Variants in DGKB observed in about 807,000 individuals in gnomAD.
DGKB encodes the protein diacylglycerol kinase beta.
Under a neutral mutation model 114.3 loss-of-function variants are expected in DGKB, and 67 were observed. The ratio of observed to expected loss-of-function variants is 0.59; its 90% CI spans 0.48 to 0.72. DGKB has a LOEUF of 0.72. Among genes scored for constraint, DGKB ranks in the 30% least tolerant of loss-of-function variants. The pLI is 0.00. For missense variants in DGKB, 907 were observed against 975.2 expected (o/e 0.93, Z 0.93); for synonymous variants, 398 against 323.1 (o/e 1.23, Z -2.49).
At chr7:14,621,336 C>T (rs750323632) in intron 15 of DGKB, 42 bp downstream of exon 15, 33 of 1,253,992 alleles carry the variant, frequency 2.6e-5, no homozygotes, top group Non-Finnish European at 3.6e-5. Flanking sequence ...CTAGAAGTAT[C>T]AAATATGAAA....
chr7:14,711,765 C>T (rs1277419387), intron 6 of DGKB, among the ~76,000 whole-genome samples: 1 of 152,072 alleles, frequency 6.6e-6, no homozygotes, highest in Non-Finnish European at 1.5e-5. Context: ...TCTTCCCCAA[C>T]AGAAGACTAG....
At chr7:14,847,460 T>A (rs1430164214) in intron 1 of DGKB, among the ~76,000 whole-genome samples, 5 of 152,202 alleles carry the variant, frequency 3.3e-5, no homozygotes, top group Admixed American at 6.5e-5. Context: ...TGAAATTACA[T>A]GGAATATAAA....
chr7:14,720,198 A>T (rs1828907423), intron 5 of DGKB, among the ~76,000 whole-genome samples: 2 of 152,020 alleles, frequency 1.3e-5, no homozygotes, highest in African/African-American at 2.4e-5. Flanking sequence ...TATTCTGAAA[A>T]TTTTTCTCAA....
chr7:14,238,838 C>T (rs1793218593), intron 23 of DGKB, among the ~76,000 whole-genome samples: 1 of 151,720 alleles, frequency 6.6e-6, no homozygotes, highest in South Asian at 2.1e-4. Context: ...ATCATGAATA[C>T]AAACTAAGGA....
chr7:14,576,018 T>C (rs989691154), intron 19 of DGKB, among the ~76,000 whole-genome samples: 2 of 152,178 alleles, frequency 1.3e-5, no homozygotes, highest in African/African-American at 4.8e-5. Context: ...CTTCTTACCT[T>C]ACACAGGTTT....
intron 25 of DGKB, among the ~76,000 whole-genome samples, chr7:14,169,208 A>AG (rs1361541034): frequency 2.6e-5 from 4 of 150,982 alleles, no homozygotes; most frequent in Admixed American, 2.6e-4. Context: ...AAATTAAAAA[A>AG]AAAAAAATTA....
chr7:14,411,934 T>C (rs1418989153), intron 21 of DGKB, among the ~76,000 whole-genome samples: 1 of 152,142 alleles, frequency 6.6e-6, no homozygotes, highest in East Asian at 1.9e-4. Context: ...TATAGAAAAA[T>C]TAATGAGATT....
At chr7:14,603,780 A>G (rs1463449414) in intron 17 of DGKB, among the ~76,000 whole-genome samples, 1 of 152,118 alleles carries the variant, frequency 6.6e-6, no homozygotes, top group African/African-American at 2.4e-5. Context: ...TAATTTACAT[A>G]TTTTAAAGTT....
At chr7:14,875,207 A>G (rs751272102) in intron 1 of DGKB, among the ~76,000 whole-genome samples, 15 of 152,254 alleles carry the variant, frequency 9.9e-5, no homozygotes, top group Admixed American at 3.9e-4. Context: ...GATTATGAAG[A>G]AATGAAGCTG....
intron 2 of DGKB, among the ~76,000 whole-genome samples, chr7:14,833,376 TTA>T (rs879605803): frequency 8.1e-4 from 115 of 142,206 alleles, no homozygotes; most frequent in Non-Finnish European, 1.5e-3. Flanking sequence ...TGATTTATGT[TTA>T]TGTCTTTATG....
At chr7:14,542,782 C>G (rs1042830971) in intron 20 of DGKB, among the ~76,000 whole-genome samples, 1 of 152,176 alleles carries the variant, frequency 6.6e-6, no homozygotes, top group Non-Finnish European at 1.5e-5. Context: ...ACTTAGCAAT[C>G]GCATCCAGAG....
chr7:14,497,715 T>C (rs376036864), intron 20 of DGKB, among the ~76,000 whole-genome samples: 1 of 152,066 alleles, frequency 6.6e-6, no homozygotes, highest in East Asian at 1.9e-4. Context: ...TATGTTATTA[T>C]GCAGAGAGTG....
chr7:14,971,238 G>A (rs1421809441), intron 1 of DGKB, among the ~76,000 whole-genome samples: 1 of 152,086 alleles, frequency 6.6e-6, no homozygotes, highest in African/African-American at 2.4e-5. Context: ...TTCAGAAGCT[G>A]GAGAATTCTT....
intron 1 of DGKB, among the ~76,000 whole-genome samples, chr7:14,874,277 C>T (rs913819855): frequency 2.6e-5 from 4 of 152,016 alleles, no homozygotes; most frequent in Non-Finnish European, 5.9e-5. Context: ...TACTAAACCA[C>T]ACTTGAACTG....
intron 1 of DGKB, among the ~76,000 whole-genome samples, chr7:14,887,306 C>A (rs1780448728): frequency 6.6e-6 from 1 of 151,800 alleles, no homozygotes; most frequent in Non-Finnish European, 1.5e-5. Flanking sequence ...TGACACAGCT[C>A]TTTCTTCTTG....
At chr7:14,610,698 A>G (rs1449849538) in intron 16 of DGKB, among the ~76,000 whole-genome samples, 1 of 151,950 alleles carries the variant, frequency 6.6e-6, no homozygotes, top group African/African-American at 2.4e-5. Context: ...TGGCACCTGA[A>G]CCTACTAGTG....
rs111228924 is a variant in DGKB, at chr7:14,912,366, T to C, written c.-188+62330A>G. On this transcript the variant is annotated intron_variant, in intron 1 of 4. Coordinates refer to the DGKB transcript ENST00000437998. ...TTTTGCATCAGGTAAGCAGAATTCA[T>C]TTTATTTTCCTGCAATAAGAACATT... Among the ~76,000 whole-genome samples, 1,044 of 152,268 alleles carry C rather than the reference T, an allele frequency of 6.9e-3. 16 individuals are homozygous for C. The highest frequency in any genetic ancestry group is 0.024 in the African/African-American group (995 of 41,552).
intron 21 of DGKB, among the ~76,000 whole-genome samples, chr7:14,477,873 AGT>A (rs1031077242): frequency 6.6e-6 from 1 of 152,096 alleles, no homozygotes; most frequent in Admixed American, 6.6e-5. Flanking sequence ...GAAAACTTCC[AGT>A]GTGTCTTAAA....
At chr7:14,224,022 C>T (rs373770968) in intron 23 of DGKB, among the ~76,000 whole-genome samples, 12 of 151,322 alleles carry the variant, frequency 7.9e-5, no homozygotes, top group African/African-American at 2.4e-4. Context: ...GATTTCTTCA[C>T]GTTTATCCTA....
Sources: gnomAD v4.1 joint callset for allele counts (sites outside exome capture counted in the v4.1 genomes callset) on GRCh38, gnomAD v4.1.1 for gene constraint, MANE v1.5 for transcripts, NCBI Gene and HGNC (gene_info 2026-07-23, HGNC 2026-07-21) for gene names.